Variants in SGMS2 observed in about 807,000 individuals in gnomAD.
The protein encoded by SGMS2 is phosphatidylcholine:ceramide cholinephosphotransferase 2.
Under a neutral mutation model 43.8 loss-of-function variants are expected in SGMS2, and 21 were observed. The ratio of observed to expected loss-of-function variants is 0.48; its 90% CI spans 0.34 to 0.69. SGMS2 has a LOEUF of 0.69. Ranked by LOEUF, SGMS2 falls within the 30% of genes least tolerant of loss-of-function variation. SGMS2 has a pLI of 0.01. For synonymous variants in SGMS2, 167 were observed against 160.6 expected (o/e 1.04, Z -0.30); for missense variants, 384 against 443.2 (o/e 0.87, Z 1.20).
chr4:107,885,166 C>G (rs1332062078), intron 2 of SGMS2, among the ~76,000 whole-genome samples: 4 of 152,060 alleles, frequency 2.6e-5, no homozygotes, highest in African/African-American at 9.7e-5. Flanking sequence ...AGATTCATCT[C>G]CCTTTAGAAG....
intron 3 of SGMS2, among the ~76,000 whole-genome samples, chr4:107,897,454 C>T (rs538475491): frequency 7.2e-5 from 11 of 152,252 alleles, no homozygotes; most frequent in South Asian, 2.1e-4. Flanking sequence ...CCTGCTAAGG[C>T]GGCAGATAAT....
chr4:107,843,322 A>G (rs1726627258), intron 1 of SGMS2, among the ~76,000 whole-genome samples: 1 of 152,246 alleles, frequency 6.6e-6, no homozygotes, highest in African/African-American at 2.4e-5. Flanking sequence ...ACTTATTTAT[A>G]TGAGAATTGA....
intron 1 of SGMS2, among the ~76,000 whole-genome samples, chr4:107,852,359 A>G (rs1282299878): frequency 6.6e-6 from 1 of 152,086 alleles, no homozygotes. Context: ...TTTTTTAAAA[A>G]AGAATGTGAC....
rs1399959580 is a variant in SGMS2 at position 107,914,720 on chromosome 4, C to T, written c.*4167C>T. On this transcript the variant is annotated 3_prime_UTR_variant, in exon 7 of 7. Transcript: ENST00000690982. ...AGCTCTTTTTTCCTACCCACCAGTA[C>T]CTTAATCATTGGTTTATCACATTGG... 1 of 152,044 alleles carries T rather than the reference C, an allele frequency of 6.6e-6. No individual in the cohort carries two copies. The highest frequency in any genetic ancestry group is 2.4e-5 in the African/African-American group (1 of 41,416). 9.4% of individuals were successfully genotyped at this position (152,044 alleles called of 1,614,324 possible).
Position 107,825,221 on chromosome 4 carries a change from G to GC in SGMS2, c.-358dup, listed in dbSNP as rs1255179856. 1 of 152,654 alleles carries GC rather than the reference G, an allele frequency of 6.6e-6. No homozygotes were observed. The highest frequency in any genetic ancestry group is 2.4e-5 in the African/African-American group (1 of 41,456). The allele number at this position is 152,654 out of a possible 1,614,324, so 9.5% of individuals were successfully genotyped here. On this transcript the variant is annotated 5_prime_UTR_variant, in exon 1 of 7. Coordinates refer to ENST00000690982, the MANE Select transcript of SGMS2 (RefSeq NM_001375905.1). ...CCCTTCCCGGGAGCAAGTGCCTTCA[G>GC]CTGGGAGTGTCTGGAGCCCTGGCCA...
chr4:107,867,816 G>A (rs1239761898), intron 2 of SGMS2: 1 of 151,982 alleles, frequency 6.6e-6, no homozygotes, highest in Admixed American at 6.5e-5. Context: ...TTTTTATATG[G>A]AACACTTCGC....
At chr4:107,907,140 G>T (rs1189465380) in intron 5 of SGMS2, 1 of 152,130 alleles carries the variant, frequency 6.6e-6, no homozygotes, top group Non-Finnish European at 1.5e-5. Context: ...CCAGAACTTA[G>T]TGGCAGAATG....
At chr4:107,827,203 C>T (rs892909165) in intron 1 of SGMS2, among the ~76,000 whole-genome samples, 6 of 152,156 alleles carry the variant, frequency 3.9e-5, no homozygotes, top group African/African-American at 1.2e-4. Context: ...GACTTACCCA[C>T]CTTTAGCGTG....
At chr4:107,827,688 G>T (rs965488680) in intron 1 of SGMS2, among the ~76,000 whole-genome samples, 5 of 152,194 alleles carry the variant, frequency 3.3e-5, no homozygotes, top group African/African-American at 1.2e-4. Context: ...GCTCAACTGA[G>T]ATATATTTGC....
chr4:107,848,731 A>T (rs1442806293), intron 1 of SGMS2, among the ~76,000 whole-genome samples: 3 of 152,044 alleles, frequency 2.0e-5, no homozygotes, highest in Admixed American at 1.3e-4. Context: ...CTGTTCAGAT[A>T]TTTTGCCCAC....
intron 2 of SGMS2, among the ~76,000 whole-genome samples, chr4:107,860,668 A>G (rs76304154): frequency 0.11 from 17,009 of 151,828 alleles, 1,339 homozygotes; most frequent in African/African-American, 0.21. Context: ...GGGATTACAG[A>G]CACCCACCAT....
chr4:107,895,920 A>C lies in SGMS2; in HGVS notation c.367A>C (p.Arg123=). 1 of 1,613,994 alleles carries C rather than the reference A, an allele frequency of 6.2e-7. No homozygotes were observed. The highest frequency in any genetic ancestry group is 2.2e-5 in the East Asian group (1 of 44,872). The part of the protein sequence containing the change: ...LPDKFFDYID[R]VKWAFSVSEI... ...AGACAAGTTTTTTGATTACATTGATAGGGTGAAATGGGCATTTTCTGTATC... is the reference window on the plus strand; with the variant it reads ...AGACAAGTTTTTTGATTACATTGATCGGGTGAAATGGGCATTTTCTGTATC... Residue 123 remains arginine (R), a synonymous_variant, in exon 3 of 7, where the codon AGG becomes CGG. Transcript: ENST00000690982.
At chr4:107,896,530 G>GT (rs1730685850) in intron 3 of SGMS2, among the ~76,000 whole-genome samples, 1 of 152,110 alleles carries the variant, frequency 6.6e-6, no homozygotes, top group Non-Finnish European at 1.5e-5. Flanking sequence ...TGTGGATGTG[G>GT]TTTCGGTTTT....
In SGMS2 at chr4:107,895,430, T is replaced by C. The variant is rs1730584562; in HGVS notation, c.-124T>C. On this transcript the variant is annotated 5_prime_UTR_variant, in exon 3 of 7. It removes the in-frame stop codon of an upstream open reading frame in the 5' UTR. Transcript: ENST00000690982. Reference sequence around the variant, plus strand: ...GATGGCTACCTTCTACATTTTGTATTAGGAAACAAAGTCCATTGTAAGAGT... The same window carrying C: ...GATGGCTACCTTCTACATTTTGTATCAGGAAACAAAGTCCATTGTAAGAGT... 1.0e-6 allele frequency: 1 copy of C among 992,220 alleles called. No individual in the cohort carries two copies. The allele number at this position is 992,220 out of a possible 1,614,324, so 61.5% of individuals were successfully genotyped here.
At position 107,895,984 on chromosome 4, in the gene SGMS2, C is replaced by G; in HGVS notation, c.431C>G (p.Thr144Ser). 1.9e-6 allele frequency: 3 copies of G among 1,611,124 alleles called. No homozygotes were observed. Among genetic ancestry groups the G allele is most frequent in the Non-Finnish European group, 2.5e-6 (3 of 1,177,832 alleles). Residue 144 changes from threonine to serine, a missense_variant, in exon 3 of 7, where the codon ACC becomes AGC. By Grantham distance (58) the Thr-to-Ser change is moderately conservative (BLOSUM62 1). Transcript: ENST00000690982. Reference sequence around the variant, plus strand: ...ATTATATTAGTTGGATTATGGATCACCCAGTGGCTGTTTCTGAGATACAAG... The same window carrying G: ...ATTATATTAGTTGGATTATGGATCAGCCAGTGGCTGTTTCTGAGATACAAG... ...NGIILVGLWI[T>S]QWLFLRYKSI... is the part of the protein sequence containing the mutation.
At chr4:107,890,810 A>G (rs1162812841) in intron 2 of SGMS2, among the ~76,000 whole-genome samples, 1 of 152,168 alleles carries the variant, frequency 6.6e-6, no homozygotes, top group Non-Finnish European at 1.5e-5. Flanking sequence ...GACTTTAACC[A>G]TTAAGTTCCT....
intron 2 of SGMS2, among the ~76,000 whole-genome samples, chr4:107,887,384 A>G (rs980732431): frequency 2.0e-5 from 3 of 152,228 alleles, no homozygotes; most frequent in Non-Finnish European, 1.5e-5. Context: ...ATAATTTAAC[A>G]TAATTATAAT....
chr4:107,884,272 T>C (rs957591728), intron 2 of SGMS2, among the ~76,000 whole-genome samples: 13 of 152,198 alleles, frequency 8.5e-5, no homozygotes, highest in Non-Finnish European at 1.5e-4. Flanking sequence ...AGTAATGTGA[T>C]CTATATTGAT....
At chr4:107,832,313 A>G (rs1041251404) in intron 1 of SGMS2, among the ~76,000 whole-genome samples, 9 of 152,230 alleles carry the variant, frequency 5.9e-5, no homozygotes, top group Non-Finnish European at 8.8e-5. Flanking sequence ...CTTGAAATAT[A>G]GTTTCATTGG....
Sources: allele counts gnomAD v4.1 joint callset (sites outside exome capture counted in the v4.1 genomes callset), GRCh38; gene constraint gnomAD v4.1.1; transcripts MANE v1.5; gene names NCBI Gene and HGNC (gene_info 2026-07-23, HGNC 2026-07-21).